NRG4: variants seen among roughly 807,000 people sequenced by gnomAD.
NRG4 encodes the protein pro-neuregulin-4, membrane-bound isoform.
Under a neutral mutation model 15.0 loss-of-function variants are expected in NRG4, and 10 were observed. That is an observed-to-expected ratio of 0.67 (90% CI 0.41 to 1.13). NRG4 has a LOEUF of 1.13. Ranked by LOEUF, NRG4 falls within the 50% of genes most tolerant of loss-of-function variation. The probability of loss-of-function intolerance (pLI) is 0.00; values close to 1 mark genes in which losing one functional copy is unlikely to be tolerated. For missense variants in NRG4, 139 were observed against 140.2 expected, an observed-to-expected ratio of 0.99 and a Z score of 0.04; for synonymous variants, 41 against 50.1, an observed-to-expected ratio of 0.82 and a Z score of 0.77.
chr15:75,989,356 C>T (rs957482157), intron 3 of NRG4, among the ~76,000 whole-genome samples: 1 of 152,152 alleles, frequency 6.6e-6, no homozygotes, highest in Admixed American at 6.5e-5. Flanking sequence ...CCGATGAATG[C>T]TCTCAGTCAC....
intron 4 of NRG4, among the ~76,000 whole-genome samples, chr15:76,039,092 A>T (rs1249000927): frequency 2.0e-5 from 3 of 152,230 alleles, no homozygotes; most frequent in Non-Finnish European, 4.4e-5. Context: ...TAGATCTTAG[A>T]TCACAACACT....
At chr15:76,033,496 T>C (rs188456672) in intron 5 of NRG4, among the ~76,000 whole-genome samples, 1 of 152,354 alleles carries the variant, frequency 6.6e-6, no homozygotes, top group East Asian at 1.9e-4. Context: ...TTGTAGCATA[T>C]AAAAGAGACT....
At chr15:75,955,289 C>G (rs922239495) in intron 5 of NRG4, among the ~76,000 whole-genome samples, 4 of 152,144 alleles carry the variant, frequency 2.6e-5, no homozygotes, top group Non-Finnish European at 4.4e-5. Context: ...CCAAACTCAG[C>G]CTGGGGTCCC....
At chr15:76,007,067 C>A (rs2034631564) in intron 3 of NRG4, among the ~76,000 whole-genome samples, 1 of 151,986 alleles carries the variant, frequency 6.6e-6, no homozygotes, top group African/African-American at 2.4e-5. Context: ...TAAAACTGAA[C>A]AACAAACTAT....
At chr15:75,963,203 G>A (rs1283330002) in intron 3 of NRG4, among the ~76,000 whole-genome samples, 1 of 152,220 alleles carries the variant, frequency 6.6e-6, no homozygotes, top group Non-Finnish European at 1.5e-5. Context: ...ATGTGAGGCA[G>A]TGATGTGATT....
At chr15:75,946,924 A>G (rs1167301937) in intron 5 of NRG4, among the ~76,000 whole-genome samples, 1 of 152,230 alleles carries the variant, frequency 6.6e-6, no homozygotes, top group Non-Finnish European at 1.5e-5. Flanking sequence ...CATTATAGGT[A>G]TATACCACAT....
At chr15:76,003,436 G>A (rs970377593) in intron 3 of NRG4, among the ~76,000 whole-genome samples, 15 of 151,872 alleles carry the variant, frequency 9.9e-5, no homozygotes, top group African/African-American at 3.6e-4. Flanking sequence ...AGAGCCTAAG[G>A]GTCCCATGGG....
At chr15:76,013,567 A>G (rs1278748889), upstream of NRG4, among the ~76,000 whole-genome samples, 1 of 151,920 alleles carries the variant, frequency 6.6e-6, no homozygotes. Context: ...TCATTGTTCA[A>G]TTTCCACCTA....
chr15:75,974,953 T>TA (rs2033297734), intron 3 of NRG4, among the ~76,000 whole-genome samples: 1 of 152,160 alleles, frequency 6.6e-6, no homozygotes, highest in Admixed American at 6.5e-5. Context: ...AGTGGGGTGT[T>TA]AAAGTCTCCC....
At chr15:76,054,603 C>T (rs774148363) in intron 2 of NRG4, among the ~76,000 whole-genome samples, 39 of 152,250 alleles carry the variant, frequency 2.6e-4, no homozygotes, top group Non-Finnish European at 5.1e-4. Flanking sequence ...TCAGTAGAGA[C>T]AGAGTTTCGC....
chr15:75,950,385 G>C, intron 5 of NRG4: 1 of 187,986 alleles, frequency 5.3e-6, no homozygotes, highest in South Asian at 1.2e-4. Flanking sequence ...TGGAGAAAAG[G>C]AAAGGAAAAT....
intron 3 of NRG4, among the ~76,000 whole-genome samples, chr15:75,973,585 G>A (rs1326831979): frequency 6.6e-6 from 1 of 152,124 alleles, no homozygotes; most frequent in Non-Finnish European, 1.5e-5. Flanking sequence ...AAGGGGTGTT[G>A]AATTTTATTG....
In NRG4 at chr15:75,949,841, CT is replaced by C. The variant is rs1171779221; in HGVS notation, c.331+6090del. Among the ~76,000 whole-genome samples the C allele has an allele frequency of 5.3e-5, 8 of 152,294 alleles. No individual in the cohort carries two copies. The South Asian group carries it at 1.4e-3, about 28-fold the overall frequency. On this transcript the variant is annotated intron_variant, in intron 5 of 5. Transcript: ENST00000394907. ...TCATCTGTTGGAATGACTATCCTTT[CT>C]GTATTGAATTGCCTTGGCAGCTTTG...
At chr15:76,011,451 AT>A (rs1451385051) in intron 1 of NRG4, among the ~76,000 whole-genome samples, 165 bp from the exon 2 acceptor site, 1 of 152,166 alleles carries the variant, frequency 6.6e-6, no homozygotes, top group Non-Finnish European at 1.5e-5. Context: ...TTAGATACCT[AT>A]TGCATTTCAG....
chr15:76,040,318 T>C (rs1457353820), intron 4 of NRG4, among the ~76,000 whole-genome samples: 1 of 152,064 alleles, frequency 6.6e-6, no homozygotes, highest in Non-Finnish European at 1.5e-5. Flanking sequence ...GTATAATGTA[T>C]CCAGCAAAAA....
upstream of NRG4, among the ~76,000 whole-genome samples, chr15:76,016,247 A>G (rs1165492681): frequency 6.6e-6 from 1 of 151,406 alleles, no homozygotes; most frequent in Non-Finnish European, 1.5e-5. Context: ...CTTCTTTATT[A>G]GTCTAGCAGT....
chr15:76,008,107 C>T (rs867807676), intron 3 of NRG4, among the ~76,000 whole-genome samples: 1 of 152,094 alleles, frequency 6.6e-6, no homozygotes, highest in Non-Finnish European at 1.5e-5. Flanking sequence ...CCATTTTGCA[C>T]TTTAAATGAA....
At chr15:75,962,384 A>G (rs1376343498) in intron 3 of NRG4, among the ~76,000 whole-genome samples, 1 of 152,190 alleles carries the variant, frequency 6.6e-6, no homozygotes, top group African/African-American at 2.4e-5. Flanking sequence ...CATTCATTAA[A>G]TAATCAATCC....
intron 3 of NRG4, among the ~76,000 whole-genome samples, chr15:75,988,234 G>A (rs2033870241): frequency 6.6e-6 from 1 of 152,142 alleles, no homozygotes; most frequent in African/African-American, 2.4e-5. Flanking sequence ...CACCCAGGCT[G>A]GAGTGCAGTG....
Sources: allele counts gnomAD v4.1 joint callset (sites outside exome capture counted in the v4.1 genomes callset), GRCh38; gene constraint gnomAD v4.1.1; transcripts MANE v1.5; gene names NCBI Gene and HGNC (gene_info 2026-07-23, HGNC 2026-07-21).